Variants in KIF20B observed in about 807,000 individuals in gnomAD.
KIF20B encodes the protein kinesin family member 20B, also known as kinesin-like protein KIF20B.
Under a neutral mutation model 232.5 loss-of-function variants are expected in KIF20B, and 188 were observed. That is an observed-to-expected ratio of 0.81 (90% confidence interval 0.72 to 0.91). The LOEUF (loss-of-function observed/expected upper bound fraction) is 0.91. Ranked by LOEUF, KIF20B falls within the 40% of genes least tolerant of loss-of-function variation. KIF20B has a pLI of 0.00. For synonymous variants in KIF20B, 712 were observed against 683.0 expected, an observed-to-expected ratio of 1.04 and a Z score of -0.66; for missense variants, 2,154 against 2,055.9, an observed-to-expected ratio of 1.05 and a Z score of -0.92.
chr10:89,762,671 T>C lies in KIF20B; in HGVS notation c.4825T>C (p.Ser1609Pro). ...GSVVLDSCEV[S>P]TENDQSTRFP... ...TGTAGTCCTTGACTCTTGTGAAGTGTCAACAGAAAATGATCAAAGCACTCG... is the reference window on the plus strand; with the variant it reads ...TGTAGTCCTTGACTCTTGTGAAGTGCCAACAGAAAATGATCAAAGCACTCG... Residue 1609 changes from serine to proline, a missense_variant, in exon 29 of 33, where the codon TCA becomes CCA. Transcript: ENST00000371728. 1 of 1,613,586 alleles carries C rather than the reference T, an allele frequency of 6.2e-7. No individual in the cohort carries two copies. The highest frequency in any genetic ancestry group is 8.5e-7 in the Non-Finnish European group (1 of 1,179,696).
chr10:89,748,818 T>C (rs1841969840), intron 23 of KIF20B, among the ~76,000 whole-genome samples: 1 of 152,200 alleles, frequency 6.6e-6, no homozygotes, highest in Non-Finnish European at 1.5e-5. Context: ...CTTTGCCAAA[T>C]ATGGAGAAGT....
At chr10:89,722,172 C>A (rs545218447) in intron 13 of KIF20B, among the ~76,000 whole-genome samples, 11 of 152,274 alleles carry the variant, frequency 7.2e-5, no homozygotes, top group Non-Finnish European at 1.2e-4. Flanking sequence ...CCTTGCAAAG[C>A]GCTGGGATTA....
chr10:89,718,721 A>T lies in KIF20B; in HGVS notation c.1283A>T (p.His428Leu). The change falls in exon 12 of 33, where the codon CAT becomes CTT. Residue 428 changes from histidine to leucine, a missense_variant. Coordinates refer to ENST00000371728, the MANE Select transcript of KIF20B (RefSeq NM_001284259.2). ...AATTTTTTCTGTAGGTTTCAACAGC[A>T]TGTGCCTTTCCGGGAAAGTAAACTG... ...KNSEKSKFQQ[H>L]VPFRESKLTH... 1 of 1,608,426 alleles carries T rather than the reference A, an allele frequency of 6.2e-7. No individual in the cohort carries two copies. The highest frequency in any genetic ancestry group is 8.5e-7 in the Non-Finnish European group (1 of 1,178,578).
intron 6 of KIF20B, among the ~76,000 whole-genome samples, chr10:89,712,763 A>G (rs1842860183): frequency 6.6e-6 from 1 of 152,164 alleles, no homozygotes. Flanking sequence ...TTGTCTGTTT[A>G]TTCCTCTTGT....
chr10:89,725,667 T>C (rs1304532256), intron 15 of KIF20B, among the ~76,000 whole-genome samples: 2 of 152,194 alleles, frequency 1.3e-5, no homozygotes, highest in Admixed American at 6.5e-5. Context: ...CTTGAATTCC[T>C]GGCTTCAAGC....
rs1462549297 is a variant in KIF20B, at chr10:89,772,480, C to CAATCATTATTTTT, written c.5243-209_5243-208insAATCATTATTTTT. ...ACTTTATTTGCTTTTTTTTTGCTGT[C>CAATCATTATTTTT]GATCATTATTTCATGTTCTCTTGAC... On this transcript the variant is annotated intron_variant, in intron 31 of 32. Coordinates refer to ENST00000371728, the MANE Select transcript of KIF20B (RefSeq NM_001284259.2). Among the ~76,000 whole-genome samples the CAATCATTATTTTT allele has an allele frequency of 1.5e-4, 22 of 151,496 alleles. No homozygotes were observed. In the East Asian group the frequency reaches 4.3e-3, roughly 29 times the overall value.
chr10:89,762,955 T>C, intron 29 of KIF20B, 120 bp downstream of exon 29: 1 of 686,196 alleles, frequency 1.5e-6, no homozygotes, highest in South Asian at 1.8e-5. Flanking sequence ...GAGACCAAAA[T>C]CACAATTTAT....
chr10:89,730,447 G>A (rs1843293700), intron 18 of KIF20B, among the ~76,000 whole-genome samples: 1 of 152,132 alleles, frequency 6.6e-6, no homozygotes, highest in South Asian at 2.1e-4. Context: ...ACAATGTGCA[G>A]TCGTAGTCAA....
intron 31 of KIF20B, among the ~76,000 whole-genome samples, chr10:89,771,386 G>T (rs550705007): frequency 6.6e-6 from 1 of 152,166 alleles, no homozygotes; most frequent in African/African-American, 2.4e-5. Context: ...TTTGGCTCTA[G>T]GCCAACATAT....
In KIF20B at chr10:89,715,018, C is replaced by A; in HGVS notation, c.776C>A (p.Ala259Asp). The change falls in exon 8 of 33, where the codon GCC becomes GAC. Residue 259 changes from alanine (A) to aspartate (D), a missense_variant. Physicochemically the swap from Ala to Asp is moderately radical, Grantham distance 126. Transcript: ENST00000371728. ...FEESIKDYEQ[A>D]NLNMANSIKF... The stretch of plus-strand genomic sequence containing the variant: ...GAATCCATAAAAGATTATGAACAAG[C>A]CAACTTGAATATGGCTAATAGTATA... 1 of 1,603,578 alleles carries A rather than the reference C, an allele frequency of 6.2e-7. No individual in the cohort carries two copies. Among genetic ancestry groups the A allele is most frequent in the Non-Finnish European group, 8.5e-7 (1 of 1,174,810 alleles).
At chr10:89,708,522 T>G (rs1037885411) in intron 2 of KIF20B, among the ~76,000 whole-genome samples, 3 of 152,150 alleles carry the variant, frequency 2.0e-5, no homozygotes, top group African/African-American at 4.8e-5. Context: ...GATCATTTTC[T>G]TAAATGTTTG....
intron 16 of KIF20B, 130 bp downstream of exon 16, chr10:89,726,651 T>A: frequency 2.8e-6 from 2 of 715,050 alleles, no homozygotes; most frequent in Non-Finnish European, 4.1e-6. Context: ...GTAACATATT[T>A]TAATATTTTA....
chr10:89,709,303 G>T, intron 3 of KIF20B, 42 bp from the exon 4 acceptor site: 1 of 1,583,864 alleles, frequency 6.3e-7, no homozygotes, highest in Non-Finnish European at 8.6e-7. Context: ...CATTTAAAAT[G>T]GCAAAATACT....
chr10:89,733,176 C>G (rs779967567), intron 19 of KIF20B, 120 bp downstream of exon 19: 12 of 988,056 alleles, frequency 1.2e-5, no homozygotes, highest in Non-Finnish European at 1.7e-5. Context: ...AAAATCTAAA[C>G]GTCTTGAATT....
intron 7 of KIF20B, 147 bp from the exon 8 acceptor site, chr10:89,714,806 TTC>T: frequency 5.3e-6 from 3 of 568,536 alleles, no homozygotes; most frequent in Non-Finnish European, 9.1e-6. Context: ...TATTTACATC[TTC>T]CTTTGTTCCA....
intron 29 of KIF20B, among the ~76,000 whole-genome samples, chr10:89,767,896 C>T (rs561076930): frequency 2.6e-5 from 4 of 151,960 alleles, no homozygotes; most frequent in Admixed American, 1.3e-4. Context: ...AAAGATATTC[C>T]TTCCATGTTT....
chr10:89,710,585 A>T (rs1414614909), intron 5 of KIF20B, among the ~76,000 whole-genome samples: 1 of 146,648 alleles, frequency 6.8e-6, no homozygotes, highest in Non-Finnish European at 1.5e-5. Flanking sequence ...TACTTTACCC[A>T]TTGATAGAGA....
chr10:89,727,537 G>A (rs978024377), intron 16 of KIF20B, among the ~76,000 whole-genome samples: 6 of 152,190 alleles, frequency 3.9e-5, no homozygotes, highest in African/African-American at 1.4e-4. Context: ...CGTAAGTGGT[G>A]CCTTTGCATT....
intron 18 of KIF20B, 134 bp downstream of exon 18, chr10:89,729,381 C>A: frequency 1.1e-6 from 1 of 900,254 alleles, no homozygotes; most frequent in Non-Finnish European, 1.5e-6. Flanking sequence ...CAACATTGAA[C>A]TCAATTTACT....
Sources: allele counts gnomAD v4.1 joint callset (sites outside exome capture counted in the v4.1 genomes callset), GRCh38; gene constraint gnomAD v4.1.1; transcripts MANE v1.5; gene names NCBI Gene and HGNC (gene_info 2026-07-23, HGNC 2026-07-21).